Variants in ACOX3 observed in about 807,000 individuals in gnomAD.
ACOX3 encodes acyl-CoA oxidase 3, pristanoyl, also known as peroxisomal acyl-coenzyme A oxidase 3.
Under a neutral mutation model 81.5 loss-of-function variants are expected in ACOX3, and 73 were observed. The ratio of observed to expected loss-of-function variants is 0.90; its 90% CI spans 0.74 to 1.09. The LOEUF (loss-of-function observed/expected upper bound fraction) is 1.09, where lower values mean the gene tolerates loss of function less well. Among genes scored for constraint, ACOX3 ranks in the 50% least tolerant of loss-of-function variants. The pLI, the probability that ACOX3 is intolerant of heterozygous loss-of-function variation, is 0.00. For missense variants in ACOX3, 947 were observed against 928.0 expected (o/e 1.02, Z -0.27); for synonymous variants, 387 against 375.1 (o/e 1.03, Z -0.37).
chr4:8,409,876 GATACACTGTGGGCGGGGCTGTAGGA>G (rs1303328978), intron 6 of ACOX3, among the ~76,000 whole-genome samples: 11 of 150,782 alleles, frequency 7.3e-5, no homozygotes, highest in Admixed American at 4.0e-4. Context: ...GGGGCTGTAG[GATACACTGTGGGCGGGGCTGTAGGA>G]ATACACTGTG....
At chr4:8,369,362 G>A (rs1053710278) in intron 17 of ACOX3, among the ~76,000 whole-genome samples, 16 of 152,296 alleles carry the variant, frequency 1.1e-4, no homozygotes, top group African/African-American at 4.8e-5. Flanking sequence ...CTCCCGCCAA[G>A]TCTTCTCTCC....
intron 9 of ACOX3, among the ~76,000 whole-genome samples, chr4:8,396,206 G>T (rs1338276323): frequency 6.6e-6 from 1 of 152,188 alleles, no homozygotes; most frequent in Non-Finnish European, 1.5e-5. Flanking sequence ...AGTGAACAGG[G>T]CTGCACGCTC....
intron 16 of ACOX3, 127 bp downstream of exon 16, chr4:8,373,434 G>C (rs548472593): frequency 4.1e-5 from 39 of 949,320 alleles, no homozygotes; most frequent in African/African-American, 3.9e-4. Context: ...GACGCTAAGG[G>C]GGTGCGTGTC....
Position 8,366,801 on chromosome 4 carries a change from G to A in ACOX3, c.*160C>T, listed in dbSNP as rs115372866. 3,448 of 974,132 alleles carry A rather than the reference G, an allele frequency of 3.5e-3. 80 individuals are homozygous for A. The African/African-American group carries it at 0.051, about 14-fold the overall frequency. 60.3% of individuals were successfully genotyped at this position (974,132 alleles called of 1,614,324 possible). ...CCAGCCGGCCGGGTGCCTCCCTCCC[G>A]TCCGCCTGGGCAGTTGAGGCCAATC... is the stretch of plus-strand genomic sequence containing the variant. On this transcript the variant is annotated 3_prime_UTR_variant, in exon 18 of 18. Transcript: ENST00000356406.
At chr4:8,373,464 C>T (rs773749144) in intron 16 of ACOX3, 97 bp downstream of exon 16, 34 of 1,271,790 alleles carry the variant, frequency 2.7e-5, no homozygotes, top group South Asian at 1.7e-4. Flanking sequence ...GATACTAAGG[C>T]GGTGCGTGTC....
intron 14 of ACOX3, among the ~76,000 whole-genome samples, chr4:8,376,331 G>A (rs934451958): frequency 2.8e-5 from 4 of 141,698 alleles, no homozygotes; most frequent in Admixed American, 7.1e-5. Flanking sequence ...AGGATGAGCA[G>A]GTGCTACTTT....
At chr4:8,393,305 G>GGCAACAGAGCGAGAC (rs1553843373) in intron 10 of ACOX3, among the ~76,000 whole-genome samples, 14 of 138,060 alleles carry the variant, frequency 1.0e-4, no homozygotes, top group East Asian at 4.2e-4. Context: ...GGGCAACATG[G>GGCAACAGAGCGAGAC]TGACACCCTG....
intron 14 of ACOX3, among the ~76,000 whole-genome samples, chr4:8,377,455 C>G (rs546900717): frequency 7.5e-6 from 1 of 133,644 alleles, no homozygotes; most frequent in African/African-American, 3.2e-5. Flanking sequence ...AACACAGCGT[C>G]ACTCGGCTCT....
In ACOX3 at chr4:8,366,830, A is replaced by G; in HGVS notation, c.*131T>C. On this transcript the variant is annotated 3_prime_UTR_variant, in exon 18 of 18. Transcript: ENST00000356406. ...GCCTGGGCAGTTGAGGCCAATCAGCAGTTTAGGCGCACAGGTGCGGGCTCA... is the reference window on the plus strand; with the variant it reads ...GCCTGGGCAGTTGAGGCCAATCAGCGGTTTAGGCGCACAGGTGCGGGCTCA... The G allele has an allele frequency of 7.5e-7, 1 of 1,326,170 alleles. No homozygotes were observed. The allele number at this position is 1,326,170 out of a possible 1,614,324, so 82.2% of individuals were successfully genotyped here. A position where few individuals can be genotyped will look rare whatever the true frequency, so the allele number is the denominator to read the frequency against.
At position 8,396,944 on chromosome 4, in the gene ACOX3, G is replaced by C. The variant is rs747853335; in HGVS notation, c.1049C>G (p.Pro350Arg). ...EEEEIPVLEY[P>R]MQQWRLLPYL... Reference sequence around the variant, plus strand: ...TGCTTGAAAACCTCATACCTGCATTGGATACTCAAGCACTGGTATTTCCTC... The same window carrying C: ...TGCTTGAAAACCTCATACCTGCATTCGATACTCAAGCACTGGTATTTCCTC... The change falls in exon 9 of 18, where the codon CCA (proline) becomes CGA (arginine). Residue 350 changes from proline (P) to arginine (R), a missense_variant. Physicochemically the swap from Pro to Arg is moderately radical, Grantham distance 103. Transcript: ENST00000356406. 2 of 1,610,706 alleles carry C rather than the reference G, an allele frequency of 1.2e-6. No homozygotes were observed. Among genetic ancestry groups the C allele is most frequent in the Non-Finnish European group, 1.7e-6 (2 of 1,178,874 alleles).
intron 1 of ACOX3, chr4:8,428,542 C>T (rs1723743035): frequency 1.3e-5 from 2 of 152,412 alleles, no homozygotes; most frequent in African/African-American, 4.8e-5. Context: ...ACCCTCGTTG[C>T]CCTGGAAACG....
chr4:8,362,695 A>C (rs571716882), downstream of ACOX3, among the ~76,000 whole-genome samples: 1 of 152,360 alleles, frequency 6.6e-6, no homozygotes, highest in African/African-American at 2.4e-5. Context: ...GTGGTAAATG[A>C]AGAATGTCAC....
At chr4:8,364,447 A>T (rs142070114), downstream of ACOX3, among the ~76,000 whole-genome samples, 28 of 152,212 alleles carry the variant, frequency 1.8e-4, no homozygotes, top group East Asian at 3.3e-3. The surrounding 1 kb of genome is among the most constrained non-coding windows in gnomAD (Gnocchi z 5.0). Context: ...TGCAAACCAC[A>T]TGGTGACATT....
rs200487031 is a variant in ACOX3, at chr4:8,397,075, C to G, written c.918G>C (p.Ser306=). The G allele has an allele frequency of 1.0e-5, 16 of 1,596,540 alleles. No homozygotes were observed. Among genetic ancestry groups the G allele is most frequent in the Non-Finnish European group, 1.3e-5 (15 of 1,172,764 alleles). Reference sequence around the variant, plus strand: ...CCAGGCTCACGATGGAGACCCGGCCCGAGGACAGGCTCCCCAGGGACGCTC... The same window carrying G: ...CCAGGCTCACGATGGAGACCCGGCCGGAGGACAGGCTCCCCAGGGACGCTC... ...RFGASLGSLS[S]GRVSIVSLAI... Residue 306 remains serine (S), a synonymous_variant, in exon 9 of 18, where the codon TCG becomes TCC. Coordinates refer to ENST00000356406, the MANE Select transcript of ACOX3 (RefSeq NM_003501.3).
rs959862911 is a variant in ACOX3 at position 8,376,469 on chromosome 4, G to T, written c.1654-1317C>A. The stretch of plus-strand genomic sequence containing the variant: ...TATGACGCTGCCCCAAATCTTCCCA[G>T]AACACAGCAGGGTGAAGCACACGGC... On this transcript the variant is annotated intron_variant, in intron 14 of 17. Coordinates refer to ENST00000356406, the MANE Select transcript of ACOX3 (RefSeq NM_003501.3). Among the ~76,000 whole-genome samples the T allele has an allele frequency of 3.3e-5, 5 of 152,276 alleles. No homozygotes were observed. The East Asian group carries it at 9.7e-4, about 29-fold the overall frequency.
At position 8,415,902 on chromosome 4, in the gene ACOX3, C is replaced by A. The variant is rs199723449; in HGVS notation, c.242G>T (p.Arg81Leu). ...LEKYRELNFLRCKRIFEYDFL... is the reference protein window; with the variant it reads ...LEKYRELNFLLCKRIFEYDFL... ...GTCATACTCGAAGATCCGCTTGCAT[C>A]GAAGGAAGTTCAGCTCGCGATACTT... The change falls in exon 3 of 18, where the codon CGA becomes CTA. Residue 81 changes from arginine (R) to leucine (L), a missense_variant. Arg to Leu is a moderately radical substitution (Grantham distance 102). Coordinates refer to ENST00000356406, the MANE Select transcript of ACOX3 (RefSeq NM_003501.3). 1.9e-6 allele frequency: 3 copies of A among 1,614,154 alleles called. No individual in the cohort carries two copies. The highest frequency in any genetic ancestry group is 2.2e-5 in the South Asian group (2 of 91,074).
intron 1 of ACOX3, among the ~76,000 whole-genome samples, chr4:8,421,204 C>A (rs952325824): frequency 6.6e-6 from 1 of 152,230 alleles, no homozygotes; most frequent in Non-Finnish European, 1.5e-5. Flanking sequence ...CTGTCCTACC[C>A]TTCCTTAGAA....
At chr4:8,358,981 G>A in the ACOX3 span, among the ~76,000 whole-genome samples, 1 of 152,126 alleles carries the variant, frequency 6.6e-6, no homozygotes. Context: ...CTCGGGGTCT[G>A]GATTGGGACC....
At chr4:8,397,228 GC>G in intron 8 of ACOX3, 109 bp from the exon 9 acceptor site, 2 of 1,101,094 alleles carry the variant, frequency 1.8e-6, no homozygotes, top group Non-Finnish European at 2.5e-6. Flanking sequence ...GTAGACCTGT[GC>G]CCACCTGCCC....
Sources: allele counts gnomAD v4.1 joint callset (sites outside exome capture counted in the v4.1 genomes callset), GRCh38; gene constraint gnomAD v4.1.1; non-coding constraint Gnocchi (gnomAD v3.1); transcripts MANE v1.5; gene names NCBI Gene and HGNC (gene_info 2026-07-23, HGNC 2026-07-21).